EPHA6: variants seen among roughly 807,000 people sequenced by gnomAD.
EPHA6 encodes ephrin type-A receptor 6.
In EPHA6, 50 loss-of-function variants were observed where a neutral mutation model predicts 112.0. The observed-to-expected ratio is 0.45, with a 90% CI of 0.36 to 0.56. EPHA6 has a LOEUF of 0.56. Among genes scored for constraint, EPHA6 ranks in the 20% least tolerant of loss-of-function variants. The pLI is 0.00. For missense variants in EPHA6, 1,280 were observed against 1,417.4 expected (o/e 0.90, Z 1.56); for synonymous variants, 529 against 490.7 (o/e 1.08, Z -1.03).
At chr3:97,257,696 TG>T (rs2079363092) in intron 5 of EPHA6, among the ~76,000 whole-genome samples, 1 of 151,974 alleles carries the variant, frequency 6.6e-6, no homozygotes, top group Non-Finnish European at 1.5e-5. Context: ...AAAGATAATA[TG>T]GGTAGAAAAA....
chr3:97,417,774 G>C (rs893039618), intron 6 of EPHA6, among the ~76,000 whole-genome samples: 12 of 152,102 alleles, frequency 7.9e-5, no homozygotes, highest in African/African-American at 2.9e-4. Context: ...CTTTGGTGCT[G>C]AGCTAAGGTA....
At chr3:97,042,760 C>G (rs1197216334) in intron 3 of EPHA6, among the ~76,000 whole-genome samples, 2 of 152,114 alleles carry the variant, frequency 1.3e-5, no homozygotes, top group Non-Finnish European at 2.9e-5. Context: ...AGTAGAAGAG[C>G]ATACACTTAG....
intron 5 of EPHA6, among the ~76,000 whole-genome samples, chr3:97,258,765 C>G (rs1266902012): frequency 6.6e-6 from 1 of 152,084 alleles, no homozygotes; most frequent in African/African-American, 2.4e-5. Flanking sequence ...GTTATTTAAT[C>G]TCTCCAGACC....
chr3:97,578,103 G>A (rs1247643900), intron 11 of EPHA6, among the ~76,000 whole-genome samples: 1 of 152,086 alleles, frequency 6.6e-6, no homozygotes, highest in African/African-American at 2.4e-5. Context: ...TTAATTTAGG[G>A]ACCAGGAATG....
intron 2 of EPHA6, among the ~76,000 whole-genome samples, chr3:96,937,647 A>C (rs1345449471): frequency 6.6e-6 from 1 of 152,042 alleles, no homozygotes; most frequent in Non-Finnish European, 1.5e-5. Flanking sequence ...TTTTGTTGTC[A>C]TTGCTTGTGG....
At chr3:97,316,391 GC>G (rs1427208421) in intron 5 of EPHA6, among the ~76,000 whole-genome samples, 1 of 151,796 alleles carries the variant, frequency 6.6e-6, no homozygotes, top group East Asian at 1.9e-4. Context: ...TGTGACCCCT[GC>G]CCAGGAACAC....
intron 2 of EPHA6, among the ~76,000 whole-genome samples, chr3:96,938,389 T>G (rs1408851365): frequency 6.6e-6 from 1 of 150,512 alleles, no homozygotes; most frequent in Non-Finnish European, 1.5e-5. Context: ...GGGAGTTCAC[T>G]CATGATTTGG....
At chr3:97,102,604 T>C (rs888837279) in intron 3 of EPHA6, among the ~76,000 whole-genome samples, 2 of 152,140 alleles carry the variant, frequency 1.3e-5, no homozygotes, top group Admixed American at 1.3e-4. Flanking sequence ...TGTGCCTTCA[T>C]AGTAAATGAT....
Position 96,933,490 on chromosome 3 carries a change from A to G in EPHA6, c.451-53840A>G, listed in dbSNP as rs1051103194. On this transcript the variant is annotated intron_variant, in intron 2 of 17. Transcript: ENST00000389672. ...CTTTGACACAGGCAAATATATGGAC[A>G]GCAAATAGTTAAGTTTCTTAGAATT... Among the ~76,000 whole-genome samples the G allele has an allele frequency of 2.0e-5, 3 of 152,318 alleles. 1 individual carries two copies. Among genetic ancestry groups the G allele is most frequent in the Admixed American group, 2.0e-4 (3 of 15,300 alleles).
chr3:97,468,742 G>A (rs2091137354), intron 7 of EPHA6, among the ~76,000 whole-genome samples: 1 of 151,618 alleles, frequency 6.6e-6, no homozygotes, highest in Non-Finnish European at 1.5e-5. Flanking sequence ...TAAGAAAACT[G>A]TTCTTTAGCC....
intron 3 of EPHA6, among the ~76,000 whole-genome samples, chr3:97,195,943 T>C (rs2077429947): frequency 6.6e-6 from 1 of 152,212 alleles, no homozygotes; most frequent in East Asian, 1.9e-4. Flanking sequence ...ATGAGTTTGA[T>C]TATTAAATGT....
At chr3:96,855,968 A>C (rs949883057) in intron 1 of EPHA6, among the ~76,000 whole-genome samples, 1 of 152,126 alleles carries the variant, frequency 6.6e-6, no homozygotes, top group Non-Finnish European at 1.5e-5. Context: ...TAATCACAGC[A>C]CTTTGGGAGG....
intron 5 of EPHA6, among the ~76,000 whole-genome samples, chr3:97,342,000 A>G (rs2083328905): frequency 6.6e-6 from 1 of 152,208 alleles, no homozygotes; most frequent in African/African-American, 2.4e-5. Flanking sequence ...TGAATACATC[A>G]AAGCTATTTC....
chr3:97,090,168 G>C (rs566760014), intron 3 of EPHA6, among the ~76,000 whole-genome samples: 6 of 151,898 alleles, frequency 4.0e-5, no homozygotes, highest in Non-Finnish European at 7.4e-5. Flanking sequence ...CCTTAATTTA[G>C]TTGTAATAAG....
chr3:96,859,321 A>T (rs2107417294), intron 1 of EPHA6, among the ~76,000 whole-genome samples: 1 of 151,994 alleles, frequency 6.6e-6, no homozygotes, highest in East Asian at 1.9e-4. Context: ...TTTATCTGAT[A>T]ATTTCTTATT....
At chr3:97,059,442 G>A (rs2045950641) in intron 3 of EPHA6, among the ~76,000 whole-genome samples, 1 of 151,970 alleles carries the variant, frequency 6.6e-6, no homozygotes, top group Non-Finnish European at 1.5e-5. Flanking sequence ...CCTGCAAGAT[G>A]TTTGACTAGT....
intron 3 of EPHA6, among the ~76,000 whole-genome samples, chr3:97,192,896 G>C (rs548692730): frequency 6.6e-6 from 1 of 152,142 alleles, no homozygotes; most frequent in African/African-American, 2.4e-5. Context: ...ATAAAAGACT[G>C]ACCTTTCCCC....
At chr3:97,674,615 T>A (rs1392267810) in intron 14 of EPHA6, among the ~76,000 whole-genome samples, 1 of 152,158 alleles carries the variant, frequency 6.6e-6, no homozygotes, top group East Asian at 1.9e-4. Context: ...TGAGTTTGAA[T>A]CAAGTCTTTG....
rs151062738 is a variant in EPHA6, at chr3:96,827,419, TAAAA to T, written c.385+12415_385+12418del. ...ATTCTTTTTTGTTAATTTTTTGAGTTAAAAAAATGTGTAGAGAACACTTGCCCAT... is the reference window on the plus strand; with the variant it reads ...ATTCTTTTTTGTTAATTTTTTGAGTTAAATGTGTAGAGAACACTTGCCCAT... On this transcript the variant is annotated intron_variant, in intron 1 of 17. Transcript: ENST00000389672. 4.6e-4 allele frequency among the ~76,000 whole-genome samples: 70 copies of T among 152,118 alleles called. 1 individual carries two copies. The East Asian group carries it at 8.9e-3, about 19-fold the overall frequency.
Sources: gnomAD v4.1 joint callset for allele counts (sites outside exome capture counted in the v4.1 genomes callset) on GRCh38, gnomAD v4.1.1 for gene constraint, MANE v1.5 for transcripts, NCBI Gene and HGNC (gene_info 2026-07-23, HGNC 2026-07-21) for gene names.